Variants in KHDRBS2 observed in about 807,000 individuals in gnomAD.
The protein encoded by KHDRBS2 is KH domain-containing, RNA-binding, signal transduction-associated protein 2.
A neutral mutation model predicts 44.3 loss-of-function variants in KHDRBS2; 26 were observed. That is an observed-to-expected ratio of 0.59 (90% confidence interval 0.43 to 0.81). KHDRBS2 has a LOEUF of 0.81. KHDRBS2 is among the 40% of genes least tolerant of loss of function. KHDRBS2 has a pLI of 0.00. For synonymous variants in KHDRBS2, 194 were observed against 151.1 expected (o/e 1.28, Z -2.08); for missense variants, 476 against 433.1 (o/e 1.10, Z -0.88).
chr6:62,196,611 T>C (rs1408091414), intron 1 of KHDRBS2, among the ~76,000 whole-genome samples: 1 of 152,148 alleles, frequency 6.6e-6, no homozygotes, highest in East Asian at 1.9e-4. Context: ...TCAACCCACA[T>C]TGCCAGTTTC....
the KHDRBS2 span, among the ~76,000 whole-genome samples, chr6:61,589,639 T>C: frequency 1.3e-5 from 2 of 152,158 alleles, no homozygotes; most frequent in South Asian, 4.1e-4. Flanking sequence ...AACTGTGGAC[T>C]GGATAGGAAC....
intron 6 of KHDRBS2, among the ~76,000 whole-genome samples, chr6:61,743,057 G>A (rs1776368840): frequency 6.6e-6 from 1 of 151,912 alleles, no homozygotes; most frequent in South Asian, 2.1e-4. Flanking sequence ...TAATCTCTGG[G>A]GAGGCTAATG....
At chr6:61,955,067 C>A (rs1487762387) in intron 4 of KHDRBS2, among the ~76,000 whole-genome samples, 1 of 142,814 alleles carries the variant, frequency 7.0e-6, no homozygotes, top group East Asian at 2.2e-4. Flanking sequence ...TATGTATACA[C>A]ATATACGTGT....
At chr6:62,107,871 T>G (rs1327695996) in intron 2 of KHDRBS2, among the ~76,000 whole-genome samples, 1 of 152,190 alleles carries the variant, frequency 6.6e-6, no homozygotes, top group East Asian at 1.9e-4. Flanking sequence ...TGAATGGTGC[T>G]GGGAAAACTT....
At chr6:61,672,632 C>T in the KHDRBS2 span, among the ~76,000 whole-genome samples, 1 of 152,072 alleles carries the variant, frequency 6.6e-6, no homozygotes, top group African/African-American at 2.4e-5. Flanking sequence ...CTTTTGGCTG[C>T]ATAAATGTCT....
intron 1 of KHDRBS2, among the ~76,000 whole-genome samples, chr6:62,206,753 C>T (rs1249851846): frequency 6.6e-6 from 1 of 151,874 alleles, no homozygotes; most frequent in African/African-American, 2.4e-5. Flanking sequence ...TTATAAGTCA[C>T]GTATATGTGT....
chr6:62,145,398 C>T (rs1468579812), intron 2 of KHDRBS2, among the ~76,000 whole-genome samples: 1 of 151,548 alleles, frequency 6.6e-6, no homozygotes, highest in African/African-American at 2.4e-5. Context: ...CTTTTTAATG[C>T]ATTTCTAATA....
intron 7 of KHDRBS2, among the ~76,000 whole-genome samples, chr6:61,713,091 G>C (rs982755860): frequency 6.6e-6 from 1 of 151,342 alleles, no homozygotes; most frequent in Admixed American, 6.6e-5. Flanking sequence ...TTTTGGCCCA[G>C]ATGTCACAAG....
chr6:61,616,794 AG>A, the KHDRBS2 span, among the ~76,000 whole-genome samples: 1 of 152,122 alleles, frequency 6.6e-6, no homozygotes, highest in East Asian at 1.9e-4. Context: ...AGCATGTAAT[AG>A]ACCCAGCTCC....
chr6:61,758,680 C>T (rs1016917077), intron 6 of KHDRBS2, among the ~76,000 whole-genome samples: 6 of 151,880 alleles, frequency 4.0e-5, no homozygotes, highest in African/African-American at 1.5e-4. Flanking sequence ...AAATAGAGTC[C>T]AACATAAAAT....
intron 2 of KHDRBS2, among the ~76,000 whole-genome samples, chr6:62,078,979 G>A (rs769000211): frequency 2.6e-5 from 4 of 151,826 alleles, no homozygotes; most frequent in South Asian, 2.1e-4. Context: ...CTTCTCCAAA[G>A]GCAAACTGCA....
chr6:61,752,786 A>G (rs1438339969), intron 6 of KHDRBS2, among the ~76,000 whole-genome samples: 1 of 151,908 alleles, frequency 6.6e-6, no homozygotes. Flanking sequence ...CTGAGTATAT[A>G]TTATACTATA....
At chr6:61,688,326 C>A (rs1767035267) in intron 8 of KHDRBS2, among the ~76,000 whole-genome samples, 1 of 151,884 alleles carries the variant, frequency 6.6e-6, no homozygotes, top group Admixed American at 6.6e-5. Context: ...AGAAGGTTAT[C>A]TGACTAAAGT....
chr6:61,992,920 C>T (rs554474268), intron 3 of KHDRBS2, among the ~76,000 whole-genome samples: 1 of 152,242 alleles, frequency 6.6e-6, no homozygotes, highest in South Asian at 2.1e-4. Flanking sequence ...ACACTCCTAG[C>T]ACCAGAGATG....
At chr6:61,543,715 G>A in the KHDRBS2 span, among the ~76,000 whole-genome samples, 3 of 152,060 alleles carry the variant, frequency 2.0e-5, no homozygotes, top group Admixed American at 2.0e-4. Flanking sequence ...TCCATCAGCA[G>A]ATGAATGGAT....
At chr6:62,065,147 G>A (rs963232037) in intron 2 of KHDRBS2, among the ~76,000 whole-genome samples, 4 of 151,052 alleles carry the variant, frequency 2.6e-5, no homozygotes, top group Admixed American at 2.0e-4. Context: ...GTGCTGGAGA[G>A]GATGTGGAGA....
chr6:62,181,365 G>GA (rs1251976514), intron 1 of KHDRBS2, among the ~76,000 whole-genome samples: 3 of 151,772 alleles, frequency 2.0e-5, no homozygotes, highest in Non-Finnish European at 4.4e-5. Flanking sequence ...ACCAAATAAT[G>GA]AATTCAAAAT....
chr6:61,671,844 T>A, the KHDRBS2 span, among the ~76,000 whole-genome samples: 1 of 151,736 alleles, frequency 6.6e-6, no homozygotes, highest in African/African-American at 2.4e-5. Flanking sequence ...TTTTTTAAAT[T>A]TATTTATTTA....
intron 1 of KHDRBS2, among the ~76,000 whole-genome samples, chr6:62,187,840 T>C (rs372894847): frequency 1.3e-5 from 2 of 152,134 alleles, no homozygotes; most frequent in East Asian, 3.9e-4. Context: ...TATTTGTCCA[T>C]TTGCATTGCT....
Sources: allele counts gnomAD v4.1 joint callset (sites outside exome capture counted in the v4.1 genomes callset), GRCh38; gene constraint gnomAD v4.1.1; transcripts MANE v1.5; gene names NCBI Gene and HGNC (gene_info 2026-07-23, HGNC 2026-07-21).